Variants in NOX1 observed in about 807,000 individuals in gnomAD.
NOX1 encodes the protein NADPH oxidase 1.
NOX1 carries 34 observed loss-of-function variants against 42.5 expected under a neutral mutation model. The observed-to-expected ratio is 0.80, with a 90% CI of 0.61 to 1.07. NOX1 has a LOEUF of 1.07. Among genes scored for constraint, NOX1 ranks in the 50% least tolerant of loss-of-function variants. The probability of loss-of-function intolerance (pLI) is 0.00; values close to 1 mark genes in which losing one functional copy is unlikely to be tolerated. For missense variants in NOX1, 408 were observed against 427.0 expected, an observed-to-expected ratio of 0.96 and a Z score of 0.39; for synonymous variants, 143 against 152.5, an observed-to-expected ratio of 0.94 and a Z score of 0.46.
At chrX:100,855,500 A>G (rs2085160481) in intron 7 of NOX1, 1 of 721,519 alleles carries the variant, frequency 1.4e-6, no homozygotes, top group African/African-American at 2.1e-5. Flanking sequence ...AATTGCTTCC[A>G]CTACCACTGC....
chrX:100,855,157 T>C (rs1163002670), intron 7 of NOX1: 4 of 400,995 alleles, frequency 1.0e-5, no homozygotes, highest in East Asian at 5.4e-5. Context: ...AGTATTTGTA[T>C]AAAACATGTC....
intron 1 of NOX1, among the ~76,000 whole-genome samples, chrX:100,872,430 T>G (rs1408819945): frequency 8.9e-6 from 1 of 111,911 alleles, no homozygotes; most frequent in Non-Finnish European, 1.9e-5. Flanking sequence ...TTTCCTCCAC[T>G]ATGAACGTCA....
chrX:100,843,367 A>G lies in NOX1; in HGVS notation c.*585T>C. 4.2e-6 allele frequency: 1 copy of G among 239,693 alleles called. No individual in the cohort carries two copies. Among genetic ancestry groups the G allele is most frequent in the Non-Finnish European group, 5.9e-6 (1 of 170,489 alleles). The allele number at this position is 239,693 out of a possible 1,213,427, so 19.8% of individuals were successfully genotyped here. A position where few individuals can be genotyped will look rare whatever the true frequency, so the allele number is the denominator to read the frequency against. On this transcript the variant is annotated 3_prime_UTR_variant, in exon 13 of 13. Transcript: ENST00000372966. ...CCTTTATTTTTTGATGAGCAAAAAT[A>G]AGAATAAATTGCTGTTCACACTGGA...
At chrX:100,844,195 C>T (rs2085056264) in intron 12 of NOX1, 117 bp from the exon 13 acceptor site, 3 of 662,979 alleles carry the variant, frequency 4.5e-6, no homozygotes, top group African/African-American at 4.5e-5. Flanking sequence ...GTTGTTTACT[C>T]CCACGTTCTT....
chrX:100,857,598 G>T (rs1379734756), intron 7 of NOX1, among the ~76,000 whole-genome samples: 2 of 111,680 alleles, frequency 1.8e-5, no homozygotes, highest in Non-Finnish European at 3.8e-5. Flanking sequence ...GTGTGTCATT[G>T]TGGTTTGGAT....
At chrX:100,854,995 C>T (rs1179125981) in intron 7 of NOX1, among the ~76,000 whole-genome samples, 5 of 110,771 alleles carry the variant, frequency 4.5e-5, no homozygotes, top group African/African-American at 6.6e-5. Flanking sequence ...ATCAGACTAT[C>T]ACATATAGCA....
chrX:100,849,333 T>G lies in NOX1; in HGVS notation c.1390A>C (p.Lys464Gln). Residue 464 changes from lysine to glutamine, a missense_variant, in exon 11 of 13, where the codon AAA becomes CAA. Physicochemically the swap from Lys to Gln is moderately conservative, Grantham distance 53. Transcript: ENST00000372966. Reference sequence around the variant, plus strand: ...AGACGGTAGTTTAGAAAACCCACTTTGCCTAATTCCTCCATCTCCTGTTCC... The same window carrying G: ...AGACGGTAGTTTAGAAAACCCACTTGGCCTAATTCCTCCATCTCCTGTTCC... ...SLEQEMEELG[K>Q]VGFLNYRLFL... The G allele has an allele frequency of 8.3e-7, 1 of 1,211,534 alleles. No individual in the cohort carries two copies. Among genetic ancestry groups the G allele is most frequent in the Non-Finnish European group, 1.1e-6 (1 of 895,107 alleles).
chrX:100,848,786 C>G (rs771106833), intron 11 of NOX1, 32 bp from the exon 12 acceptor site: 8 of 1,199,672 alleles, frequency 6.7e-6, no homozygotes, highest in Non-Finnish European at 9.0e-6. Flanking sequence ...TTAGAAAAAC[C>G]AAGTCCTAGG....
intron 12 of NOX1, among the ~76,000 whole-genome samples, chrX:100,845,962 A>G (rs903162455): frequency 9.1e-6 from 1 of 109,395 alleles, no homozygotes; most frequent in Non-Finnish European, 1.9e-5. Flanking sequence ...TTTTTTTTGT[A>G]TGTTTAGTAA....
intron 12 of NOX1, among the ~76,000 whole-genome samples, chrX:100,844,819 T>C (rs72552308): frequency 0.043 from 4,783 of 111,956 alleles, 141 homozygotes; most frequent in Admixed American, 0.12. Context: ...AGGGTTGTTT[T>C]AAGGATTAAA....
intron 7 of NOX1, among the ~76,000 whole-genome samples, chrX:100,854,661 G>T (rs192906483): frequency 2.5e-3 from 282 of 110,672 alleles, no homozygotes; most frequent in African/African-American, 9.0e-3. Context: ...AATTTTATCT[G>T]GTACCATTAT....
At chrX:100,853,332 C>CTCTTTCTTTCTTTCTT (rs757872071) in intron 7 of NOX1, among the ~76,000 whole-genome samples, 15 of 19,345 alleles carry the variant, frequency 7.8e-4, no homozygotes, top group African/African-American at 5.4e-3. Flanking sequence ...CTCTCTCTTT[C>CTCTTTCTTTCTTTCTT]TCTTTCTTTC....
chrX:100,850,952 G>T (rs185386489), intron 8 of NOX1, among the ~76,000 whole-genome samples: 2 of 110,475 alleles, frequency 1.8e-5, no homozygotes, highest in Non-Finnish European at 3.8e-5. Context: ...CGATTCTCCC[G>T]CCTCAGCCTC....
chrX:100,863,043 C>T, intron 4 of NOX1, 116 bp downstream of exon 4: 1 of 645,342 alleles, frequency 1.5e-6, no homozygotes, highest in Non-Finnish European at 2.6e-6. Flanking sequence ...AGAACAGTGC[C>T]TGACAAATAG....
At chrX:100,867,165 TG>T (rs1221221422) in intron 2 of NOX1, among the ~76,000 whole-genome samples, 1 of 111,247 alleles carries the variant, frequency 9.0e-6, no homozygotes, top group Non-Finnish European at 1.9e-5. Context: ...CCCGAGTAGC[TG>T]GGACTACAGG....
intron 7 of NOX1, among the ~76,000 whole-genome samples, chrX:100,853,533 T>C (rs2085145605): frequency 9.5e-6 from 1 of 104,783 alleles, no homozygotes; most frequent in Non-Finnish European, 2.0e-5. Context: ...CCCAAGTAGC[T>C]AAAACTACAG....
chrX:100,844,561 T>C (rs745862642), intron 12 of NOX1, among the ~76,000 whole-genome samples: 9 of 111,565 alleles, frequency 8.1e-5, no homozygotes, highest in Non-Finnish European at 9.4e-5. Flanking sequence ...GCCTCCTGAG[T>C]AGCTGGGACT....
chrX:100,874,242 C>G lies in NOX1; in HGVS notation c.-103G>C. ...ATGGAACATTTGTCCAGCGCAGGGT[C>G]TGTGAGCCTTTAAGATGTGAAAAAC... On this transcript the variant is annotated 5_prime_UTR_variant, in exon 1 of 13. Transcript: ENST00000372966. 1 of 553,269 alleles carries G rather than the reference C, an allele frequency of 1.8e-6. No individual in the cohort carries two copies. The highest frequency in any genetic ancestry group is 3.1e-6 in the Non-Finnish European group (1 of 322,373). 45.6% of individuals were successfully genotyped at this position (553,269 alleles called of 1,213,427 possible). A position where few individuals can be genotyped will look rare whatever the true frequency, so the allele number is the denominator to read the frequency against.
chrX:100,855,044 C>T (rs2085156845), intron 7 of NOX1, among the ~76,000 whole-genome samples: 1 of 111,524 alleles, frequency 9.0e-6, no homozygotes, highest in Admixed American at 9.5e-5. Flanking sequence ...ACATTAAAAC[C>T]CTTTGTTGGA....
Sources: allele counts gnomAD v4.1 joint callset (sites outside exome capture counted in the v4.1 genomes callset), GRCh38; gene constraint gnomAD v4.1.1; transcripts MANE v1.5; gene names NCBI Gene and HGNC (gene_info 2026-07-23, HGNC 2026-07-21).